The following HNF1A variants were observed in gnomAD, a reference collection of about 807,000 sequenced individuals.
HNF1A encodes HNF1 homeobox A, also known as hepatocyte nuclear factor 1-alpha.
Under a neutral mutation model 62.2 loss-of-function variants are expected in HNF1A, and 21 were observed. The ratio of observed to expected loss-of-function variants is 0.34; its 90% CI spans 0.24 to 0.49. The LOEUF is 0.49. HNF1A is among the 20% of genes least tolerant of loss of function. The pLI is 0.99. For missense variants in HNF1A, 687 were observed against 832.3 expected (o/e 0.83, Z 2.15); for synonymous variants, 374 against 366.8 (o/e 1.02, Z -0.22).
At position 120,999,317 on chromosome 12, in the gene HNF1A, G is replaced by C. The variant is rs1877295140; in HGVS notation, c.1551G>C (p.Leu517=). The change falls in exon 8 of 10, where the codon CTG becomes CTC. Residue 517 remains leucine (L), a synonymous_variant. Transcript: ENST00000257555. ...PEVAQYTHTG[L]LPQTMLITDT... ...TGGCCCAGTACACCCACACGGGCCT[G>C]CTCCCGCAGACTATGCTCATCACCG... 1.2e-6 allele frequency: 2 copies of C among 1,613,894 alleles called. No homozygotes were observed. Among genetic ancestry groups the C allele is most frequent in the Non-Finnish European group, 1.7e-6 (2 of 1,179,990 alleles).
At chr12:120,982,764 C>A (rs560822336) in intron 1 of HNF1A, among the ~76,000 whole-genome samples, 2 of 152,254 alleles carry the variant, frequency 1.3e-5, no homozygotes, top group African/African-American at 4.8e-5. Flanking sequence ...TGACTGAAGG[C>A]AAGCCAGGAC....
intron 2 of HNF1A, among the ~76,000 whole-genome samples, chr12:120,990,250 T>C (rs1472705424): frequency 6.6e-6 from 1 of 152,078 alleles, no homozygotes; most frequent in Non-Finnish European, 1.5e-5. Context: ...CATGCCATTC[T>C]CCTGCCTCAG....
At position 120,978,916 on chromosome 12, in the gene HNF1A, T is replaced by TGCG. The variant is rs1876093864; in HGVS notation, c.156_158dup (p.Gly53dup). ...AGGCCCCCTGGACAAGGGGGAGTCCTGCGGCGGCGGTCGAGGGGAGCTGGC... is the reference window on the plus strand; with the variant it reads ...AGGCCCCCTGGACAAGGGGGAGTCCTGCGGCGGCGGCGGTCGAGGGGAGCTGGC... On this transcript the variant is annotated inframe_insertion, in exon 1 of 10. Coordinates refer to ENST00000257555, the MANE Select transcript of HNF1A (RefSeq NM_000545.8). 1 of 1,611,860 alleles carries TGCG rather than the reference T, an allele frequency of 6.2e-7. No individual in the cohort carries two copies. Among genetic ancestry groups the TGCG allele is most frequent in the Non-Finnish European group, 8.5e-7 (1 of 1,179,158 alleles).
chr12:120,980,937 C>T (rs1876222026), intron 1 of HNF1A: 1 of 151,916 alleles, frequency 6.6e-6, no homozygotes, highest in African/African-American at 2.4e-5. Flanking sequence ...GGAGTGCTTC[C>T]CGCCTGCCCC....
At chr12:120,991,313 G>C (rs60369684) in intron 2 of HNF1A, among the ~76,000 whole-genome samples, 1 of 152,218 alleles carries the variant, frequency 6.6e-6, no homozygotes, top group African/African-American at 2.4e-5. Context: ...ATGTATGCAG[G>C]CCGGGCGCAG....
chr12:120,990,652 G>GGAAAGGGAGGAAAGA (rs1471922681), intron 2 of HNF1A, among the ~76,000 whole-genome samples: 33 of 96,572 alleles, frequency 3.4e-4, no homozygotes, highest in Non-Finnish European at 5.9e-4. Flanking sequence ...GGGAGGAAAG[G>GGAAAGGGAGGAAAGA]TAGGAAAGGG....
At chr12:120,983,916 CTGTG>C (rs61680384) in intron 1 of HNF1A, among the ~76,000 whole-genome samples, 1,470 of 137,342 alleles carry the variant, frequency 0.011, 10 homozygotes, top group East Asian at 0.033. Flanking sequence ...CTTGAAGACT[CTGTG>C]TGTGTGTGTG....
rs1422122465 is a variant in HNF1A, at chr12:121,002,045, C to T, written c.*853C>T. On this transcript the variant is annotated 3_prime_UTR_variant, in exon 10 of 10. Coordinates refer to ENST00000257555, the MANE Select transcript of HNF1A (RefSeq NM_000545.8). ...CCAAGTCCAGGTCCTGGTGGGGCAGCTCCTCTGTCTCGAGCGCCCTGCAGA... is the reference window on the plus strand; with the variant it reads ...CCAAGTCCAGGTCCTGGTGGGGCAGTTCCTCTGTCTCGAGCGCCCTGCAGA... 1 of 536,920 alleles carries T rather than the reference C, an allele frequency of 1.9e-6. No individual in the cohort carries two copies. Among genetic ancestry groups the T allele is most frequent in the Admixed American group, 2.2e-5 (1 of 45,072 alleles). 33.3% of individuals were successfully genotyped at this position (536,920 alleles called of 1,614,324 possible).
Position 120,999,261 on chromosome 12 carries a change from C to A in HNF1A, c.1502-7C>A. 1 of 1,613,916 alleles carries A rather than the reference C, an allele frequency of 6.2e-7. No individual in the cohort carries two copies. Among genetic ancestry groups the A allele is most frequent in the East Asian group, 2.2e-5 (1 of 44,872 alleles). ...GCCACGTCTGCCCCTCTCTCCCCTG[C>A]GGCCAGCCCTCTACAGCCACAAGCC... On this transcript the variant is annotated splice_polypyrimidine_tract_variant and splice_region_variant and intron_variant, in intron 7 of 9. Coordinates refer to ENST00000257555, the MANE Select transcript of HNF1A (RefSeq NM_000545.8).
chr12:120,990,704 G>T (rs536960819), intron 2 of HNF1A, among the ~76,000 whole-genome samples: 1 of 148,122 alleles, frequency 6.8e-6, no homozygotes, highest in African/African-American at 2.5e-5. Context: ...GGAAGGAAAA[G>T]AAAAGAAAGA....
In HNF1A at chr12:120,997,457, C is replaced by T; in HGVS notation, c.1310-17C>T. On this transcript the variant is annotated splice_polypyrimidine_tract_variant and intron_variant, in intron 6 of 9. Transcript: ENST00000257555. ...ATAACTGGGGGGCCCAGCTGATTCC[C>T]TCCCCTTCCACTCCAGGCCTGGCCT... 2.5e-6 allele frequency: 4 copies of T among 1,594,272 alleles called. No individual in the cohort carries two copies. The highest frequency in any genetic ancestry group is 3.4e-6 in the Non-Finnish European group (4 of 1,172,240).
chr12:120,984,797 C>G (rs1043509094), intron 1 of HNF1A, among the ~76,000 whole-genome samples: 1 of 152,034 alleles, frequency 6.6e-6, no homozygotes, highest in Admixed American at 6.6e-5. Context: ...GATCACCTTG[C>G]ACAAGTGACT....
At chr12:120,985,138 G>A (rs979053317) in intron 1 of HNF1A, among the ~76,000 whole-genome samples, 1 of 151,578 alleles carries the variant, frequency 6.6e-6, no homozygotes, top group East Asian at 2.0e-4. Flanking sequence ...TAGAAACAGG[G>A]TCCCACTATG....
intron 1 of HNF1A, among the ~76,000 whole-genome samples, chr12:120,987,593 T>A (rs200281292): frequency 5.7e-3 from 11 of 1,918 alleles, no homozygotes; most frequent in Non-Finnish European, 0.027. Context: ...TTTAAAAATA[T>A]ATATATATAT....
chr12:120,992,434 C>G (rs1174229272), intron 2 of HNF1A, among the ~76,000 whole-genome samples: 6 of 152,102 alleles, frequency 3.9e-5, no homozygotes, highest in African/African-American at 1.4e-4. Flanking sequence ...TGCCATGTTG[C>G]CCAGGCTAGT....
intron 2 of HNF1A, among the ~76,000 whole-genome samples, chr12:120,989,506 C>T (rs922589580): frequency 2.0e-5 from 3 of 152,066 alleles, no homozygotes; most frequent in African/African-American, 4.8e-5. Flanking sequence ...GTGATCCACC[C>T]ACCTCAGCCT....
Position 120,978,688 on chromosome 12 carries a change from G to T in HNF1A, c.-81G>T, listed in dbSNP as rs755941887. 1 of 1,359,808 alleles carries T rather than the reference G, an allele frequency of 7.4e-7. No individual in the cohort carries two copies. The highest frequency in any genetic ancestry group is 1.0e-6 in the Non-Finnish European group (1 of 955,082). The allele number at this position is 1,359,808 out of a possible 1,614,324, so 84.2% of individuals were successfully genotyped here. The stretch of plus-strand genomic sequence containing the variant: ...GGAGTTTGGTTTGTGTCTGCCGGCC[G>T]GCAGGCAAACGCAACCCACGCGGTG... On this transcript the variant is annotated 5_prime_UTR_variant, in exon 1 of 10. Transcript: ENST00000257555.
Position 120,983,882 on chromosome 12 carries a change from T to A in HNF1A, c.326+4788T>A, listed in dbSNP as rs760248685. Among the ~76,000 whole-genome samples the A allele has an allele frequency of 9.4e-5, 14 of 149,586 alleles. No homozygotes were observed. The Middle Eastern group carries it at 0.01, about 109-fold the overall frequency. On this transcript the variant is annotated intron_variant, in intron 1 of 9. Coordinates refer to ENST00000257555, the MANE Select transcript of HNF1A (RefSeq NM_000545.8). Reference sequence around the variant, plus strand: ...GTTCTGAGCTAGGACAGTTGGAGAATCTGCCCTCAAAAATAGTCAGGCCCT... The same window carrying A: ...GTTCTGAGCTAGGACAGTTGGAGAAACTGCCCTCAAAAATAGTCAGGCCCT...
intron 1 of HNF1A, among the ~76,000 whole-genome samples, chr12:120,981,674 C>G (rs934327394): frequency 2.6e-5 from 4 of 152,236 alleles, no homozygotes; most frequent in Non-Finnish European, 5.9e-5. Context: ...TCTCCTTCAG[C>G]TCCCTGATTG....
Sources: allele counts gnomAD v4.1 joint callset (sites outside exome capture counted in the v4.1 genomes callset), GRCh38; gene constraint gnomAD v4.1.1; transcripts MANE v1.5; gene names NCBI Gene and HGNC (gene_info 2026-07-23, HGNC 2026-07-21).